Variants in PRIM2 observed in about 807,000 individuals in gnomAD.
PRIM2 encodes DNA primase subunit 2.
PRIM2 carries 39 observed loss-of-function variants against 67.3 expected under a neutral mutation model. That is an observed-to-expected ratio of 0.58 (90% CI 0.45 to 0.76). PRIM2 has a LOEUF of 0.76. PRIM2 is among the 30% of genes least tolerant of loss of function. The pLI is 0.00. For synonymous variants in PRIM2, 143 were observed against 198.7 expected (o/e 0.72, Z 2.36); for missense variants, 398 against 598.7 (o/e 0.66, Z 3.50).
At chr6:57,342,835 G>A (rs1383706944) in intron 5 of PRIM2, among the ~76,000 whole-genome samples, 7 of 152,164 alleles carry the variant, frequency 4.6e-5, no homozygotes, top group South Asian at 2.1e-4. Flanking sequence ...ACAAGTACAC[G>A]TAAAACTTTG....
intron 10 of PRIM2, among the ~76,000 whole-genome samples, chr6:57,584,364 C>T (rs1363404124): frequency 6.6e-6 from 1 of 152,176 alleles, no homozygotes; most frequent in Non-Finnish European, 1.5e-5. Context: ...TTCTTTTGAT[C>T]TATTGACATC....
intron 5 of PRIM2, among the ~76,000 whole-genome samples, chr6:57,327,199 G>T (rs1409486085): frequency 6.6e-6 from 1 of 152,152 alleles, no homozygotes; most frequent in Admixed American, 6.5e-5. Flanking sequence ...ACCGTGCCGG[G>T]CCTAGAATTT....
intron 10 of PRIM2, among the ~76,000 whole-genome samples, chr6:57,544,671 C>A (rs1386334754): frequency 1.9e-4 from 29 of 152,204 alleles, no homozygotes; most frequent in African/African-American, 7.0e-4. Flanking sequence ...ATTTTGGGTG[C>A]TTATGACTAC....
At chr6:57,584,802 A>G in intron 10 of PRIM2, among the ~76,000 whole-genome samples, 1 of 152,236 alleles carries the variant, frequency 6.6e-6, no homozygotes, top group Non-Finnish European at 1.5e-5. Flanking sequence ...TACAAATTTT[A>G]TACACATAAT....
chr6:57,454,499 T>G (rs1203330762), intron 7 of PRIM2, among the ~76,000 whole-genome samples: 1 of 152,240 alleles, frequency 6.6e-6, no homozygotes, highest in Non-Finnish European at 1.5e-5. Flanking sequence ...ATTCAACTTC[T>G]TACTGGTTTA....
intron 9 of PRIM2, among the ~76,000 whole-genome samples, chr6:57,534,898 C>T (rs1423060559): frequency 1.3e-5 from 2 of 152,180 alleles, no homozygotes; most frequent in East Asian, 3.9e-4. Flanking sequence ...TCCCTGGCCA[C>T]CCAAATTGAA....
intron 5 of PRIM2, among the ~76,000 whole-genome samples, chr6:57,373,869 T>C (rs1269508178): frequency 6.6e-6 from 1 of 152,122 alleles, no homozygotes; most frequent in Non-Finnish European, 1.5e-5. Flanking sequence ...TAGTTTGAAA[T>C]AGGGTAGTGT....
chr6:57,539,656 G>T (rs1466374987), intron 10 of PRIM2, among the ~76,000 whole-genome samples: 6 of 71,136 alleles, frequency 8.4e-5, no homozygotes, highest in African/African-American at 3.3e-4. Context: ...GTGTGTGTGT[G>T]TATATATATA....
rs1038326291 is a variant in PRIM2, at chr6:57,386,323, T to TG, written c.693+4161dup. Among the ~76,000 whole-genome samples, 9 of 139,128 alleles carry TG rather than the reference T, an allele frequency of 6.5e-5. No individual in the cohort carries two copies. In the East Asian group the frequency reaches 1.5e-3, roughly 23 times the overall value. The allele number at this position is 139,128 out of a possible 152,430, so 91.3% of individuals were successfully genotyped here. On this transcript the variant is annotated intron_variant, in intron 7 of 13. Coordinates refer to ENST00000615550, the MANE Select transcript of PRIM2 (RefSeq NM_000947.5). ...GTCCCAGCTACTTGGGAGGCTGGGG[T>TG]GGGGGGATCACTTGAGCCTGGGAGA... is the stretch of plus-strand genomic sequence containing the variant.
chr6:57,292,193 A>G, the PRIM2 span, among the ~76,000 whole-genome samples: 2 of 152,194 alleles, frequency 1.3e-5, no homozygotes, highest in Non-Finnish European at 2.9e-5. Context: ...GCATTCCTAT[A>G]CACCAATAAC....
intron 7 of PRIM2, among the ~76,000 whole-genome samples, chr6:57,444,623 C>A (rs1242484366): frequency 6.6e-6 from 1 of 151,150 alleles, no homozygotes; most frequent in African/African-American, 2.4e-5. Context: ...TGTTTCGTTA[C>A]TTGTAGGAAT....
chr6:57,288,493 A>G, the PRIM2 span, among the ~76,000 whole-genome samples: 3 of 152,164 alleles, frequency 2.0e-5, no homozygotes, highest in Non-Finnish European at 4.4e-5. Flanking sequence ...CTGCCTCCTC[A>G]AGTGGGTCCC....
intron 10 of PRIM2, among the ~76,000 whole-genome samples, chr6:57,554,633 A>G (rs1329139460): frequency 6.6e-6 from 1 of 152,166 alleles, no homozygotes; most frequent in African/African-American, 2.4e-5. Flanking sequence ...TAAAGTTTTT[A>G]TGTTCTCCCC....
At chr6:57,579,713 A>G (rs1776044450) in intron 10 of PRIM2, among the ~76,000 whole-genome samples, 1 of 152,210 alleles carries the variant, frequency 6.6e-6, no homozygotes, top group African/African-American at 2.4e-5. Context: ...AGTAACCACT[A>G]GAGGGTAGCC....
At chr6:57,392,382 A>T (rs1249146224) in intron 7 of PRIM2, among the ~76,000 whole-genome samples, 3 of 152,054 alleles carry the variant, frequency 2.0e-5, no homozygotes, top group African/African-American at 7.2e-5. Context: ...TTTTTGAATT[A>T]ATAATAGCTG....
At chr6:57,402,257 T>C (rs7749821) in intron 7 of PRIM2, among the ~76,000 whole-genome samples, 108,809 of 152,098 alleles carry the variant, frequency 0.72, 39,355 homozygotes, top group African/African-American at 0.83. Flanking sequence ...CTGGGAGCTC[T>C]GTGCCAGCAA....
intron 7 of PRIM2, among the ~76,000 whole-genome samples, chr6:57,423,881 G>T (rs139416846): frequency 6.6e-6 from 1 of 152,312 alleles, no homozygotes; most frequent in East Asian, 1.9e-4. Flanking sequence ...CAGGTCTAAA[G>T]GTGGAATTGC....
chr6:57,529,409 C>A (rs1253946502), intron 8 of PRIM2, among the ~76,000 whole-genome samples: 1 of 152,002 alleles, frequency 6.6e-6, no homozygotes, highest in Non-Finnish European at 1.5e-5. Flanking sequence ...TACTGTAAGA[C>A]ATGTTGGAAA....
intron 3 of PRIM2, 60 bp downstream of exon 3, chr6:57,320,620 A>T: frequency 9.6e-7 from 1 of 1,044,188 alleles, no homozygotes; most frequent in African/African-American, 1.6e-5. Flanking sequence ...ATTGAGTGTC[A>T]CTTGTGGGAA....
Sources: gnomAD v4.1 joint callset for allele counts (sites outside exome capture counted in the v4.1 genomes callset) on GRCh38, gnomAD v4.1.1 for gene constraint, MANE v1.5 for transcripts, NCBI Gene and HGNC (gene_info 2026-07-23, HGNC 2026-07-21) for gene names.